Variants in PIK3AP1 observed in about 807,000 individuals in gnomAD.
PIK3AP1 encodes the protein phosphoinositide 3-kinase adapter protein 1.
In PIK3AP1, 21 loss-of-function variants were observed where a neutral mutation model predicts 88.1. That is an observed-to-expected ratio of 0.24 (90% CI 0.17 to 0.34). PIK3AP1 has a LOEUF of 0.34. Among genes scored for constraint, PIK3AP1 ranks in the 10% least tolerant of loss-of-function variants. The probability of loss-of-function intolerance (pLI) is 1.00; values close to 1 mark genes in which losing one functional copy is unlikely to be tolerated. For synonymous variants in PIK3AP1, 398 were observed against 400.0 expected (o/e 1.00, Z 0.06); for missense variants, 828 against 1,035.7 (o/e 0.80, Z 2.75).
At chr10:96,702,099 A>C (rs1262693965) in intron 2 of PIK3AP1, among the ~76,000 whole-genome samples, 2 of 152,228 alleles carry the variant, frequency 1.3e-5, no homozygotes, top group South Asian at 2.1e-4. Flanking sequence ...GAATCCAAAA[A>C]AGTTGAACTC....
rs746172807 is a variant in PIK3AP1, at chr10:96,595,608, G to C, written c.2387C>G (p.Pro796Arg). Residue 796 changes from proline (P) to arginine (R), a missense_variant, in exon 17 of 17, where the codon CCT becomes CGT. Physicochemically the swap from Pro to Arg is moderately radical, Grantham distance 103. Around this residue, in one of 3 missense-constraint regions of PIK3AP1, gnomAD observed 191 missense variants for 208.6 expected, o/e 0.92. Coordinates refer to ENST00000339364, the MANE Select transcript of PIK3AP1 (RefSeq NM_152309.3). The stretch of plus-strand genomic sequence containing the variant: ...TCCTCTGGGTGGAACAGGTGGAGGA[G>C]GATGGAAGGTCTCCCTGGTCGGAGG... ...QRPPTRETFH[P>R]PPPVPPRGR is the part of the protein sequence containing the mutation. 35 of 1,613,206 alleles carry C rather than the reference G, an allele frequency of 2.2e-5. No homozygotes were observed. Among genetic ancestry groups the C allele is most frequent in the Non-Finnish European group, 2.6e-5 (31 of 1,179,750 alleles).
At chr10:96,638,736 A>G (rs1843347072) in intron 8 of PIK3AP1, among the ~76,000 whole-genome samples, 1 of 152,158 alleles carries the variant, frequency 6.6e-6, no homozygotes, top group African/African-American at 2.4e-5. Flanking sequence ...CCACCTGAAC[A>G]CAGTCCCACC....
intron 2 of PIK3AP1, among the ~76,000 whole-genome samples, chr10:96,659,378 T>C (rs974152089): frequency 1.3e-5 from 2 of 152,134 alleles, no homozygotes; most frequent in African/African-American, 4.8e-5. Context: ...CCTATTCTAG[T>C]ATATCACACA....
At chr10:96,638,884 C>T (rs1843349007) in intron 8 of PIK3AP1, among the ~76,000 whole-genome samples, 1 of 152,198 alleles carries the variant, frequency 6.6e-6, no homozygotes, top group Non-Finnish European at 1.5e-5. Flanking sequence ...TTCATGCCAG[C>T]TTGTTTACTG....
intron 1 of PIK3AP1, among the ~76,000 whole-genome samples, chr10:96,719,079 T>G (rs756982838): frequency 2.6e-5 from 4 of 152,186 alleles, no homozygotes; most frequent in Non-Finnish European, 4.4e-5. Context: ...GAGATTTTCC[T>G]TATTAAGTGT....
At chr10:96,675,188 C>T (rs1273816676) in intron 2 of PIK3AP1, among the ~76,000 whole-genome samples, 2 of 134,264 alleles carry the variant, frequency 1.5e-5, no homozygotes, top group African/African-American at 2.8e-5. Context: ...CCACTGCACC[C>T]GGCCATATAA....
chr10:96,703,700 A>T (rs1325316065), intron 2 of PIK3AP1, among the ~76,000 whole-genome samples: 5 of 152,218 alleles, frequency 3.3e-5, no homozygotes, highest in African/African-American at 4.8e-5. Flanking sequence ...AAAAAGTCAG[A>T]TCAATAGTCC....
intron 8 of PIK3AP1, among the ~76,000 whole-genome samples, chr10:96,631,096 C>G (rs1843238677): frequency 6.6e-6 from 1 of 152,164 alleles, no homozygotes; most frequent in African/African-American, 2.4e-5. Context: ...GGTCAGACAC[C>G]CCTAAAGATG....
At chr10:96,631,545 C>A (rs915946235) in intron 8 of PIK3AP1, among the ~76,000 whole-genome samples, 4 of 152,142 alleles carry the variant, frequency 2.6e-5, no homozygotes, top group Non-Finnish European at 5.9e-5. Flanking sequence ...TACTATAACC[C>A]CTTTCCTAAT....
At chr10:96,705,347 C>T (rs1343141122) in intron 2 of PIK3AP1, among the ~76,000 whole-genome samples, 2 of 152,076 alleles carry the variant, frequency 1.3e-5, no homozygotes, top group Non-Finnish European at 2.9e-5. Flanking sequence ...CAACCCTGGC[C>T]CCAAAGCTAA....
At chr10:96,671,015 G>T (rs1253872209) in intron 2 of PIK3AP1, among the ~76,000 whole-genome samples, 1 of 152,198 alleles carries the variant, frequency 6.6e-6, no homozygotes, top group Non-Finnish European at 1.5e-5. Flanking sequence ...CACAAGCATG[G>T]TTTACAGTAT....
intron 2 of PIK3AP1, among the ~76,000 whole-genome samples, chr10:96,688,572 G>A (rs1196002925): frequency 6.6e-6 from 1 of 152,202 alleles, no homozygotes; most frequent in South Asian, 2.1e-4. Flanking sequence ...CCCGAGGCAG[G>A]TGGATTACTT....
At position 96,687,255 on chromosome 10, in the gene PIK3AP1, C is replaced by CAAAAA. The variant is rs59631566; in HGVS notation, c.430+22307_430+22311dup. 2.4e-3 allele frequency among the ~76,000 whole-genome samples: 133 copies of CAAAAA among 55,308 alleles called. 3 individuals are homozygous for CAAAAA. Among genetic ancestry groups the CAAAAA allele is most frequent in the African/African-American group, 4.5e-3 (59 of 13,204 alleles). The allele number at this position is 55,308 out of a possible 152,430, so 36.3% of individuals were successfully genotyped here. On this transcript the variant is annotated intron_variant, in intron 2 of 16. Transcript: ENST00000339364. Reference sequence around the variant, plus strand: ...TGGGCAAAAGAGCGATACTCCATCTCAAAAAAAAAAAAAAAAAAAAAAAAA... The same window carrying CAAAAA: ...TGGGCAAAAGAGCGATACTCCATCTCAAAAAAAAAAAAAAAAAAAAAAAAAAAAAA...
At chr10:96,615,665 T>G (rs1462728023) in intron 13 of PIK3AP1, among the ~76,000 whole-genome samples, 2 of 152,116 alleles carry the variant, frequency 1.3e-5, no homozygotes, top group African/African-American at 2.4e-5. Context: ...CCTAGAGTGG[T>G]CCAGGAAGGT....
At chr10:96,612,950 GTATATA>G (rs398046320) in intron 13 of PIK3AP1, among the ~76,000 whole-genome samples, 80 of 59,652 alleles carry the variant, frequency 1.3e-3, no homozygotes, top group Non-Finnish European at 1.6e-3. Context: ...GTGTGTGTGT[GTATATA>G]TATATATATA....
rs570152642 is a variant in PIK3AP1, at chr10:96,650,762, G to T, written c.988+486C>A. ...CAGGAAGGAAGGACTATCTTTCCAT[G>T]AGTCTAAGTGGCAAGAGACAGGTGA... On this transcript the variant is annotated intron_variant, in intron 6 of 16. Transcript: ENST00000339364. Among the ~76,000 whole-genome samples the T allele has an allele frequency of 2.0e-5, 3 of 152,338 alleles. No individual in the cohort carries two copies. In the East Asian group the frequency reaches 5.8e-4, roughly 29 times the overall value.
chr10:96,637,314 T>TCACTCACACACA lies in PIK3AP1; in HGVS notation c.1375+8158_1375+8159insTGTGTGTGAGTG, dbSNP rs35300133. Among the ~76,000 whole-genome samples, 941 of 128,060 alleles carry TCACTCACACACA rather than the reference T, an allele frequency of 7.3e-3. 9 individuals are homozygous for TCACTCACACACA. The highest frequency in any genetic ancestry group is 0.018 in the Middle Eastern group (5 of 272). 84.0% of individuals were successfully genotyped at this position (128,060 alleles called of 152,430 possible). ...AGGAAGATGTGGGAGAGATATACAA[T>TCACTCACACACA]CACACACACACACACACACACACAC... is the stretch of plus-strand genomic sequence containing the variant. On this transcript the variant is annotated intron_variant, in intron 8 of 16. Coordinates refer to ENST00000339364, the MANE Select transcript of PIK3AP1 (RefSeq NM_152309.3).
Position 96,620,339 on chromosome 10 carries a change from C to G in PIK3AP1, c.1941+13G>C, listed in dbSNP as rs369291853. 1 of 1,612,962 alleles carries G rather than the reference C, an allele frequency of 6.2e-7. No individual in the cohort carries two copies. The highest frequency in any genetic ancestry group is 1.3e-5 in the African/African-American group (1 of 75,010). ...AAATAGACATGAAACAAATTCCATA[C>G]GAAGCTAGTTACCTGCTGGAAACGA... On this transcript the variant is annotated intron_variant, in intron 12 of 16. Coordinates refer to ENST00000339364, the MANE Select transcript of PIK3AP1 (RefSeq NM_152309.3).
intron 2 of PIK3AP1, among the ~76,000 whole-genome samples, chr10:96,668,900 C>G (rs1055736266): frequency 2.0e-5 from 3 of 152,246 alleles, no homozygotes; most frequent in Non-Finnish European, 4.4e-5. Context: ...GAGACCAAGA[C>G]AGGCAGATCA....
Sources: allele counts gnomAD v4.1 joint callset (sites outside exome capture counted in the v4.1 genomes callset), GRCh38; gene constraint gnomAD v4.1.1; regional missense constraint gnomAD v4.1.1; transcripts MANE v1.5; gene names NCBI Gene and HGNC (gene_info 2026-07-23, HGNC 2026-07-21).